SMAD6: variants seen among roughly 807,000 people sequenced by gnomAD.
SMAD6 encodes SMAD family member 6.
Under a neutral mutation model 39.4 loss-of-function variants are expected in SMAD6, and 103 were observed. The ratio of observed to expected loss-of-function variants is 2.62; its 90% CI spans 2.23 to 3.08. The LOEUF (loss-of-function observed/expected upper bound fraction) is 3.08. Among genes scored for constraint, SMAD6 ranks in the 30% most tolerant of loss-of-function variants. The pLI is 0.00. For synonymous variants in SMAD6, 445 were observed against 353.3 expected (o/e 1.26, Z -2.91); for missense variants, 1,104 against 742.9 (o/e 1.49, Z -5.65).
chr15:66,706,499 G>C (rs1893113972), intron 1 of SMAD6: 1 of 152,352 alleles, frequency 6.6e-6, no homozygotes, highest in Admixed American at 6.5e-5. Context: ...GAGAGCTGGG[G>C]GAGCCCTGGG....
chr15:66,704,262 C>A, intron 1 of SMAD6, 187 bp downstream of exon 1: 1 of 402,164 alleles, frequency 2.5e-6, no homozygotes, highest in Non-Finnish European at 4.4e-6. Flanking sequence ...GCACACACAT[C>A]AAGTGGCAAC....
At chr15:66,772,865 T>C (rs1166315042) in intron 3 of SMAD6, among the ~76,000 whole-genome samples, 2 of 152,230 alleles carry the variant, frequency 1.3e-5, no homozygotes, top group African/African-American at 2.4e-5. Flanking sequence ...TCATTTCCAC[T>C]GTGATCTTGG....
chr15:66,709,450 C>T (rs750772266), intron 1 of SMAD6, among the ~76,000 whole-genome samples: 1 of 152,278 alleles, frequency 6.6e-6, no homozygotes, highest in Admixed American at 6.5e-5. Flanking sequence ...TCCTGCCTTC[C>T]ACCTTTTGAG....
intron 3 of SMAD6, among the ~76,000 whole-genome samples, chr15:66,773,270 C>T (rs1344615293): frequency 6.6e-6 from 1 of 152,084 alleles, no homozygotes; most frequent in Non-Finnish European, 1.5e-5. Flanking sequence ...CTGGGCCCAG[C>T]GTTTGGAAAG....
At chr15:66,744,282 C>G (rs896765369) in intron 3 of SMAD6, among the ~76,000 whole-genome samples, 1 of 152,222 alleles carries the variant, frequency 6.6e-6, no homozygotes, top group African/African-American at 2.4e-5. Context: ...ATAGTCCACT[C>G]CCAGTTTTTG....
chr15:66,777,880 G>A (rs56116519), intron 3 of SMAD6, among the ~76,000 whole-genome samples: 21,232 of 152,198 alleles, frequency 0.14, 2,232 homozygotes, highest in African/African-American at 0.29. Context: ...TTAGCTGGAT[G>A]GCTGGGGCAG....
chr15:66,712,738 G>A (rs1893257164), intron 2 of SMAD6, among the ~76,000 whole-genome samples: 1 of 151,488 alleles, frequency 6.6e-6, no homozygotes. Context: ...TGGGAACGAT[G>A]GCTCATGCCT....
chr15:66,729,919 G>A (rs1260486701), intron 3 of SMAD6, among the ~76,000 whole-genome samples: 3 of 152,132 alleles, frequency 2.0e-5, no homozygotes, highest in Non-Finnish European at 2.9e-5. Context: ...CAGAAGGGGC[G>A]GGGAGGGGGT....
intron 2 of SMAD6, among the ~76,000 whole-genome samples, chr15:66,715,930 G>C (rs1444757273): frequency 1.3e-5 from 2 of 152,162 alleles, no homozygotes; most frequent in Non-Finnish European, 2.9e-5. Context: ...AAGCGGGACA[G>C]AGTGAGGACG....
chr15:66,769,262 C>T (rs1015190933), intron 3 of SMAD6, among the ~76,000 whole-genome samples: 5 of 152,178 alleles, frequency 3.3e-5, no homozygotes, highest in African/African-American at 1.2e-4. Flanking sequence ...CTCTGCTTAA[C>T]GTAATGCTGT....
In SMAD6 at chr15:66,754,298, G is replaced by A. The variant is rs78731134; in HGVS notation, c.953-26699G>A. Among the ~76,000 whole-genome samples the A allele has an allele frequency of 7.6e-3, 1,163 of 152,274 alleles. 83 individuals are homozygous for A. In the East Asian group the frequency reaches 0.16, roughly 21 times the overall value. The stretch of plus-strand genomic sequence containing the variant: ...CCTTTGCCTGGCTCTGGGTGTCACT[G>A]CCTGGGGAATGGGCAGGCTCTTCCT... On this transcript the variant is annotated intron_variant, in intron 3 of 3. Transcript: ENST00000288840.
chr15:66,766,813 G>C (rs1045971353), intron 3 of SMAD6, among the ~76,000 whole-genome samples: 1 of 152,202 alleles, frequency 6.6e-6, no homozygotes, highest in Non-Finnish European at 1.5e-5. Flanking sequence ...GTTCAGCCCA[G>C]ATGTCTCCCT....
intron 1 of SMAD6, among the ~76,000 whole-genome samples, chr15:66,708,485 A>T (rs536774009): frequency 6.6e-6 from 1 of 152,242 alleles, no homozygotes; most frequent in Non-Finnish European, 1.5e-5. Context: ...TTGATAGCAC[A>T]TTATTCATAA....
intron 3 of SMAD6, among the ~76,000 whole-genome samples, chr15:66,762,398 GAAACCC>G (rs1894215789): frequency 6.6e-6 from 1 of 151,956 alleles, no homozygotes; most frequent in Admixed American, 6.6e-5. Flanking sequence ...TCTGCTGGCT[GAAACCC>G]AAACCCACAA....
chr15:66,770,833 A>C (rs1276596353), intron 3 of SMAD6, among the ~76,000 whole-genome samples: 1 of 152,232 alleles, frequency 6.6e-6, no homozygotes, highest in Non-Finnish European at 1.5e-5. Context: ...CTTGCTTGCC[A>C]GGTGGTCTTC....
chr15:66,774,902 C>A (rs1595800974), intron 3 of SMAD6, among the ~76,000 whole-genome samples: 1 of 149,496 alleles, frequency 6.7e-6, no homozygotes, highest in East Asian at 1.9e-4. Flanking sequence ...GCTCTTGTTG[C>A]CCAGGCTGGA....
rs763496699 is a variant in SMAD6, at chr15:66,711,675, GCCA to G, written c.828_830del (p.Pro278del). 1 of 1,613,732 alleles carries G rather than the reference GCCA, an allele frequency of 6.2e-7. No homozygotes were observed. Among genetic ancestry groups the G allele is most frequent in the Non-Finnish European group, 8.5e-7 (1 of 1,179,676 alleles). ...CTGTCTCCTGTCTTCCAGAATCTCC[GCCA>G]CCTCCCTACTCTCGGCTGTCTCCTC... is the stretch of plus-strand genomic sequence containing the variant. On this transcript the variant is annotated inframe_deletion, in exon 2 of 4. Transcript: ENST00000288840.
At chr15:66,704,118 C>G in intron 1 of SMAD6, 43 bp downstream of exon 1, 1 of 1,344,218 alleles carries the variant, frequency 7.4e-7, no homozygotes, top group Non-Finnish European at 9.6e-7. Context: ...GGTCCCCGTC[C>G]CCATCCCCTT....
chr15:66,725,605 G>A (rs1401968906), intron 3 of SMAD6, among the ~76,000 whole-genome samples: 2 of 152,232 alleles, frequency 1.3e-5, no homozygotes, highest in Non-Finnish European at 2.9e-5. Context: ...AGAGCAGGGA[G>A]AAGCTGGGCT....
Sources: gnomAD v4.1 joint callset for allele counts (sites outside exome capture counted in the v4.1 genomes callset) on GRCh38, gnomAD v4.1.1 for gene constraint, MANE v1.5 for transcripts, NCBI Gene and HGNC (gene_info 2026-07-23, HGNC 2026-07-21) for gene names.